THSD7A: variants seen among roughly 807,000 people sequenced by gnomAD.
THSD7A encodes the protein thrombospondin type 1 domain containing 7A.
A neutral mutation model predicts 231.3 loss-of-function variants in THSD7A; 96 were observed. The ratio of observed to expected loss-of-function variants is 0.41; its 90% CI spans 0.35 to 0.49. The LOEUF is 0.49. THSD7A is among the 20% of genes least tolerant of loss of function. THSD7A has a pLI of 0.05. For missense variants in THSD7A, 2,290 were observed against 2,070.2 expected (o/e 1.11, Z -2.06); for synonymous variants, 940 against 743.3 (o/e 1.26, Z -4.30).
At chr7:11,801,240 C>T (rs1227933477) in intron 1 of THSD7A, among the ~76,000 whole-genome samples, 1 of 148,622 alleles carries the variant, frequency 6.7e-6, no homozygotes, top group East Asian at 1.9e-4. Context: ...AGTTATGTTG[C>T]TGGATGTAAT....
intron 23 of THSD7A, among the ~76,000 whole-genome samples, chr7:11,395,757 A>G (rs1161560448): frequency 6.6e-6 from 1 of 151,944 alleles, no homozygotes; most frequent in Non-Finnish European, 1.5e-5. Flanking sequence ...CAAACTACCG[A>G]CCTTGTAATC....
intron 5 of THSD7A, among the ~76,000 whole-genome samples, chr7:11,542,619 G>GACACAGTTATAATGCGAGAA (rs1789200157): frequency 6.6e-6 from 1 of 152,046 alleles, no homozygotes; most frequent in Non-Finnish European, 1.5e-5. Context: ...ACAGATAAGG[G>GACACAGTTATAATGCGAGAA]GACAAAGGTT....
intron 1 of THSD7A, among the ~76,000 whole-genome samples, chr7:11,729,399 C>T (rs187411470): frequency 3.0e-4 from 45 of 151,662 alleles, no homozygotes; most frequent in African/African-American, 7.7e-4. Context: ...TACACAGCAC[C>T]GCAAATAACA....
chr7:11,576,736 T>C (rs1180105195), intron 4 of THSD7A, among the ~76,000 whole-genome samples: 1 of 152,234 alleles, frequency 6.6e-6, no homozygotes, highest in African/African-American at 2.4e-5. Flanking sequence ...TATAGAATCA[T>C]GTCACAGAAT....
intron 1 of THSD7A, among the ~76,000 whole-genome samples, chr7:11,639,262 G>C (rs927316740): frequency 6.6e-6 from 1 of 152,078 alleles, no homozygotes; most frequent in Admixed American, 6.5e-5. Context: ...TCAGATTGAG[G>C]CTACTAGTCT....
intron 2 of THSD7A, among the ~76,000 whole-genome samples, chr7:11,611,164 A>G (rs1780908684): frequency 6.6e-6 from 1 of 152,130 alleles, no homozygotes; most frequent in Admixed American, 6.5e-5. Context: ...GTTAAAATAC[A>G]GTTTTCTTTT....
Position 11,637,108 on chromosome 7 carries a change from T to C in THSD7A, c.191-147A>G, listed in dbSNP as rs893748316. The C allele has an allele frequency of 4.1e-6, 3 of 733,798 alleles. No individual in the cohort carries two copies. Among genetic ancestry groups the C allele is most frequent in the East Asian group, 2.7e-5 (1 of 37,102 alleles). 45.5% of individuals were successfully genotyped at this position (733,798 alleles called of 1,614,324 possible). ...GTCTCTGGACACGACTGTTGGAAAG[T>C]AATGATCCTCGCTAAGTATTTTTGC... On this transcript the variant is annotated intron_variant, in intron 1 of 27. Coordinates refer to ENST00000423059, the MANE Select transcript of THSD7A (RefSeq NM_015204.3). The surrounding 1 kb of genome is among the most constrained non-coding windows in gnomAD (Gnocchi z 4.2).
chr7:11,720,903 T>G (rs982349510), intron 1 of THSD7A, among the ~76,000 whole-genome samples: 4 of 151,746 alleles, frequency 2.6e-5, no homozygotes, highest in Non-Finnish European at 5.9e-5. Flanking sequence ...CCTTCTACTC[T>G]ACCCACCCCT....
intron 1 of THSD7A, among the ~76,000 whole-genome samples, chr7:11,806,703 T>C (rs73300410): frequency 0.079 from 12,035 of 152,104 alleles, 1,588 homozygotes; most frequent in African/African-American, 0.27. Context: ...AAACAGAGCA[T>C]TGTTCAGAAC....
At chr7:11,756,993 G>C (rs1308049120) in intron 1 of THSD7A, among the ~76,000 whole-genome samples, 2 of 151,836 alleles carry the variant, frequency 1.3e-5, no homozygotes, top group African/African-American at 2.4e-5. Flanking sequence ...TGTGCAAGCA[G>C]AGCACATAAG....
At chr7:11,435,294 C>G (rs2128291687) in intron 13 of THSD7A, among the ~76,000 whole-genome samples, 1 of 152,146 alleles carries the variant, frequency 6.6e-6, no homozygotes, top group Admixed American at 6.6e-5. Flanking sequence ...GGTCTCTCGG[C>G]CCTGAAATTT....
chr7:11,593,072 C>G (rs1234502050), intron 3 of THSD7A, among the ~76,000 whole-genome samples, 182 bp downstream of exon 3: 1 of 152,042 alleles, frequency 6.6e-6, no homozygotes, highest in African/African-American at 2.4e-5. Context: ...CTAAAAATTT[C>G]ATGGAGATTT....
chr7:11,517,373 C>T (rs567166104), intron 6 of THSD7A, among the ~76,000 whole-genome samples: 6 of 152,022 alleles, frequency 3.9e-5, no homozygotes, highest in African/African-American at 7.2e-5. Context: ...CCACCATGCC[C>T]GGCCCCCATA....
intron 1 of THSD7A, among the ~76,000 whole-genome samples, chr7:11,647,867 C>T (rs73292656): frequency 0.063 from 9,614 of 152,050 alleles, 339 homozygotes; most frequent in East Asian, 0.13. Context: ...CTAACTACTG[C>T]GTCCATACAT....
At chr7:11,640,336 G>T (rs1213830068) in intron 1 of THSD7A, among the ~76,000 whole-genome samples, 1 of 152,084 alleles carries the variant, frequency 6.6e-6, no homozygotes, top group Non-Finnish European at 1.5e-5. Context: ...GATGCCATTT[G>T]CATAATTAAT....
chr7:11,567,773 C>A (rs892717492), intron 4 of THSD7A, among the ~76,000 whole-genome samples: 1 of 152,144 alleles, frequency 6.6e-6, no homozygotes, highest in South Asian at 2.1e-4. Context: ...TGGGATTCAC[C>A]ACAAGTCAGA....
intron 6 of THSD7A, among the ~76,000 whole-genome samples, chr7:11,510,613 G>A (rs1289359042): frequency 6.6e-6 from 1 of 152,110 alleles, no homozygotes; most frequent in African/African-American, 2.4e-5. Flanking sequence ...TGCAAGGCTG[G>A]TTCAACATAC....
chr7:11,505,541 A>C (rs978919654), intron 6 of THSD7A, among the ~76,000 whole-genome samples: 9 of 152,150 alleles, frequency 5.9e-5, no homozygotes, highest in Non-Finnish European at 1.2e-4. Context: ...AAACCCTGCC[A>C]AAGATAGAAA....
intron 1 of THSD7A, among the ~76,000 whole-genome samples, chr7:11,782,760 T>C (rs563771492): frequency 6.6e-5 from 10 of 152,288 alleles, no homozygotes; most frequent in South Asian, 6.2e-4. Flanking sequence ...TGTGGCACCG[T>C]TGGCTATAGA....
Sources: allele counts gnomAD v4.1 joint callset (sites outside exome capture counted in the v4.1 genomes callset), GRCh38; gene constraint gnomAD v4.1.1; non-coding constraint Gnocchi (gnomAD v3.1); transcripts MANE v1.5; gene names NCBI Gene and HGNC (gene_info 2026-07-23, HGNC 2026-07-21).